The following FANCA variants were observed in gnomAD, a reference collection of about 807,000 sequenced individuals.
FANCA encodes the protein Fanconi anemia group A protein.
In FANCA, 236 loss-of-function variants were observed where a neutral mutation model predicts 194.3. The observed-to-expected ratio is 1.21, with a 90% CI of 1.09 to 1.35. FANCA has a LOEUF of 1.35. FANCA is among the 40% of genes most tolerant of loss of function. The pLI is 0.00. For synonymous variants in FANCA, 1,014 were observed against 715.8 expected, an observed-to-expected ratio of 1.42 and a Z score of -6.65; for missense variants, 2,628 against 1,813.9, an observed-to-expected ratio of 1.45 and a Z score of -8.15.
intron 30 of FANCA, among the ~76,000 whole-genome samples, chr16:89,756,775 G>A (rs1458413301): frequency 1.3e-5 from 2 of 150,414 alleles, no homozygotes; most frequent in Admixed American, 6.6e-5. Flanking sequence ...GCTGAAGAGA[G>A]GCTGAATAAT....
intron 35 of FANCA, 120 bp from the exon 36 acceptor site, chr16:89,745,191 G>T: frequency 1.1e-6 from 1 of 918,328 alleles, no homozygotes; most frequent in Non-Finnish European, 1.7e-6. Context: ...CTCGCCCTGC[G>T]CTCTGGAACT....
intron 18 of FANCA, 27 bp downstream of exon 18, chr16:89,779,842 A>G: frequency 6.3e-7 from 1 of 1,599,112 alleles, no homozygotes. Flanking sequence ...TGCAGCTGCT[A>G]GAGGCCTTTT....
intron 14 of FANCA, chr16:89,791,165 C>T: frequency 3.4e-6 from 2 of 582,420 alleles, no homozygotes; most frequent in East Asian, 5.9e-5. Flanking sequence ...GAGCTGAGGC[C>T]CCGACAGGGA....
At position 89,814,420 on chromosome 16, in the gene FANCA, G is replaced by C. The variant is rs1478891855; in HGVS notation, c.283+100C>G. On this transcript the variant is annotated intron_variant, in intron 3 of 42. Coordinates refer to ENST00000389301, the MANE Select transcript of FANCA (RefSeq NM_000135.4). ...CTACACACACCAGTGGAAACCCATC[G>C]CCTGAGAAAATTTACATTTCTACTT... The C allele has an allele frequency of 6.6e-6, 6 of 902,824 alleles. No individual in the cohort carries two copies. In the South Asian group the frequency reaches 9.0e-5, roughly 14 times the overall value. The allele number at this position is 902,824 out of a possible 1,614,324, so 55.9% of individuals were successfully genotyped here. A position where few individuals can be genotyped will look rare whatever the true frequency, so the allele number is the denominator to read the frequency against.
At chr16:89,774,759 A>G (rs79230516) in intron 21 of FANCA, among the ~76,000 whole-genome samples, 6,829 of 134,192 alleles carry the variant, frequency 0.051, 334 homozygotes, top group East Asian at 0.23. Context: ...AAAAAATCTC[A>G]ACGAGCCTCC....
At chr16:89,793,032 TA>T (rs2040129875) in intron 11 of FANCA, among the ~76,000 whole-genome samples, 1 of 152,172 alleles carries the variant, frequency 6.6e-6, no homozygotes, top group Non-Finnish European at 1.5e-5. Context: ...GAAGGTGGAC[TA>T]GGAGCGTGAC....
chr16:89,742,973 T>TA, intron 36 of FANCA, 35 bp from the exon 37 acceptor site: 1 of 1,599,802 alleles, frequency 6.3e-7, no homozygotes, highest in Non-Finnish European at 8.5e-7. Context: ...TGCAGGGCCT[T>TA]ACAACCATAC....
At chr16:89,769,257 G>C (rs373672868) in intron 26 of FANCA, among the ~76,000 whole-genome samples, 2 of 152,228 alleles carry the variant, frequency 1.3e-5, no homozygotes, top group African/African-American at 4.8e-5. Flanking sequence ...TCCCACCAGA[G>C]TCTCCCAGCC....
At chr16:89,775,628 G>A in intron 21 of FANCA, 114 bp downstream of exon 21, 1 of 832,712 alleles carries the variant, frequency 1.2e-6, no homozygotes, top group Non-Finnish European at 2.0e-6. Flanking sequence ...GCACCGGCTT[G>A]AGCTGGCACA....
chr16:89,761,365 G>C (rs1383524523), intron 29 of FANCA, among the ~76,000 whole-genome samples: 1 of 149,196 alleles, frequency 6.7e-6, no homozygotes, highest in East Asian at 2.0e-4. Context: ...GTTGCAGTGA[G>C]CCGAGATCGC....
intron 10 of FANCA, among the ~76,000 whole-genome samples, chr16:89,796,554 G>A (rs1004191123): frequency 9.9e-5 from 15 of 152,160 alleles, no homozygotes; most frequent in Non-Finnish European, 2.1e-4. Flanking sequence ...GAGAGAACAC[G>A]ATGTTCTGGG....
chr16:89,778,628 A>T (rs904004023), intron 20 of FANCA, among the ~76,000 whole-genome samples, 173 bp downstream of exon 20: 2 of 42,118 alleles, frequency 4.7e-5, no homozygotes, highest in African/African-American at 7.7e-5. Context: ...GACTCCAACT[A>T]AAAAAAAAAA....
intron 23 of FANCA, 69 bp from the exon 24 acceptor site, chr16:89,770,703 C>T (rs895973632): frequency 9.8e-6 from 13 of 1,328,798 alleles, no homozygotes; most frequent in Admixed American, 4.0e-5. Flanking sequence ...AGCCGGCCAG[C>T]GCTCCCGCCA....
Position 89,778,546 on chromosome 16 carries a change from T to C in FANCA, c.1826+255A>G, listed in dbSNP as rs1206381650. 1.3e-5 allele frequency: 6 copies of C among 462,728 alleles called. No homozygotes were observed. The Admixed American group carries it at 1.6e-4, about 12-fold the overall frequency. The allele number at this position is 462,728 out of a possible 1,614,324, so 28.7% of individuals were successfully genotyped here. ...AGGAGGCTGAAGCAAGAGAATCGCT[T>C]GAACCTAAGATGTGGAGGTTGCAGT... On this transcript the variant is annotated intron_variant, in intron 20 of 42. Transcript: ENST00000389301.
chr16:89,742,137 C>T (rs1016485276), intron 37 of FANCA, among the ~76,000 whole-genome samples: 5 of 151,940 alleles, frequency 3.3e-5, no homozygotes, highest in African/African-American at 9.7e-5. Flanking sequence ...CCACCACACC[C>T]GACTAATTTT....
At chr16:89,771,155 CAAAAA>C (rs34471552) in intron 23 of FANCA, among the ~76,000 whole-genome samples, 6 of 56,634 alleles carry the variant, frequency 1.1e-4, no homozygotes, top group African/African-American at 7.3e-5. Context: ...AAGACTCAGT[CAAAAA>C]AAAAAAAAAA....
intron 13 of FANCA, 42 bp from the exon 14 acceptor site, chr16:89,791,578 G>C: frequency 6.2e-7 from 1 of 1,612,174 alleles, no homozygotes; most frequent in Non-Finnish European, 8.5e-7. Context: ...GGCAAGGGCA[G>C]CCAGCAGGAA....
At chr16:89,815,645 G>A (rs935874608) in intron 2 of FANCA, among the ~76,000 whole-genome samples, 1 of 151,994 alleles carries the variant, frequency 6.6e-6, no homozygotes, top group East Asian at 1.9e-4. Context: ...CCTGAGCCAC[G>A]GCGCCCGGCC....
intron 23 of FANCA, 128 bp downstream of exon 23, chr16:89,771,549 TG>T (rs1178430216): frequency 3.7e-6 from 4 of 1,082,260 alleles, no homozygotes; most frequent in Admixed American, 1.9e-5. Context: ...TGCCTGGCCC[TG>T]GAACATCTGA....
Sources: allele counts gnomAD v4.1 joint callset (sites outside exome capture counted in the v4.1 genomes callset), GRCh38; gene constraint gnomAD v4.1.1; transcripts MANE v1.5; gene names NCBI Gene and HGNC (gene_info 2026-07-23, HGNC 2026-07-21).